Variants in NBEAL1 observed in about 807,000 individuals in gnomAD.
NBEAL1 encodes the protein neurobeachin-like protein 1.
Under a neutral mutation model 351.3 loss-of-function variants are expected in NBEAL1, and 273 were observed. The ratio of observed to expected loss-of-function variants is 0.78; its 90% CI spans 0.70 to 0.86. The LOEUF (loss-of-function observed/expected upper bound fraction) is 0.86. Among genes scored for constraint, NBEAL1 ranks in the 40% least tolerant of loss-of-function variants. The pLI, the probability that NBEAL1 is intolerant of heterozygous loss-of-function variation, is 0.00. For missense variants in NBEAL1, 2,961 were observed against 3,201.3 expected (o/e 0.92, Z 1.81); for synonymous variants, 1,050 against 1,086.4 (o/e 0.97, Z 0.66).
intron 6 of NBEAL1, among the ~76,000 whole-genome samples, chr2:203,066,751 G>T (rs2061595459): frequency 6.6e-6 from 1 of 150,450 alleles, no homozygotes; most frequent in South Asian, 2.1e-4. Flanking sequence ...TGGCAGCTGG[G>T]CAGAGGCGCT....
At chr2:203,066,834 GCGC>G (rs1393517624) in intron 6 of NBEAL1, among the ~76,000 whole-genome samples, 1 of 140,760 alleles carries the variant, frequency 7.1e-6, no homozygotes, top group Non-Finnish European at 1.5e-5. Context: ...CCGGGCAGAG[GCGC>G]TCCTCACATC....
At position 203,167,253 on chromosome 2, in the gene NBEAL1, C is replaced by T. The variant is rs1216399750; in HGVS notation, c.5890C>T (p.His1964Tyr). The T allele has an allele frequency of 6.2e-7, 1 of 1,611,280 alleles. No individual in the cohort carries two copies. The highest frequency in any genetic ancestry group is 2.2e-5 in the East Asian group (1 of 44,732). Residue 1964 changes from histidine (H) to tyrosine (Y), a missense_variant, in exon 38 of 56, where the codon CAT becomes TAT. Coordinates refer to ENST00000683969, the MANE Select transcript of NBEAL1 (RefSeq NM_001378026.1). ...AGTAGGCTTTGATTTCAAGTGGCCT[C>T]ATTCTCAAATTCGAGAGATTCATCT... ...DGVGFDFKWPHSQIREIHLRR... is the reference protein window; with the variant it reads ...DGVGFDFKWPYSQIREIHLRR...
intron 8 of NBEAL1, among the ~76,000 whole-genome samples, chr2:203,082,698 T>A (rs376263788): frequency 6.6e-6 from 1 of 152,330 alleles, no homozygotes; most frequent in Middle Eastern, 3.4e-3. Context: ...TGAGGTTGTT[T>A]TTTATGTTTC....
At chr2:203,153,777 T>G (rs763024658) in intron 35 of NBEAL1, among the ~76,000 whole-genome samples, 1 of 152,226 alleles carries the variant, frequency 6.6e-6, no homozygotes, top group Non-Finnish European at 1.5e-5. Flanking sequence ...TAATAGTTAC[T>G]TAAGGCATAG....
At chr2:203,112,570 A>G (rs564700576) in intron 16 of NBEAL1, among the ~76,000 whole-genome samples, 1 of 152,346 alleles carries the variant, frequency 6.6e-6, no homozygotes, top group Admixed American at 6.5e-5. Flanking sequence ...TTCTGAAGAT[A>G]GTGGAATAGA....
At chr2:203,157,585 T>A in intron 35 of NBEAL1, 114 bp from the exon 36 acceptor site, 1 of 678,900 alleles carries the variant, frequency 1.5e-6, no homozygotes, top group East Asian at 3.3e-5. Context: ...TTACTTATAA[T>A]ATACATATTG....
chr2:203,136,393 C>G (rs2106314064), intron 28 of NBEAL1, 141 bp downstream of exon 28: 1 of 802,394 alleles, frequency 1.2e-6, no homozygotes, highest in East Asian at 2.7e-5. Flanking sequence ...GTTTAGAAAC[C>G]TGGAAGTCAC....
chr2:203,167,100 G>T, intron 37 of NBEAL1, 127 bp from the exon 38 acceptor site: 2 of 793,378 alleles, frequency 2.5e-6, no homozygotes, highest in East Asian at 2.6e-5. Flanking sequence ...TTTAACAAAT[G>T]GTTTATATAG....
chr2:203,049,190 C>T (rs1374257745), intron 3 of NBEAL1, among the ~76,000 whole-genome samples: 2 of 152,092 alleles, frequency 1.3e-5, no homozygotes, highest in Non-Finnish European at 2.9e-5. Context: ...GATAATTACA[C>T]TTCATTTGGT....
intron 14 of NBEAL1, among the ~76,000 whole-genome samples, chr2:203,109,264 C>T (rs1413512716): frequency 6.6e-6 from 1 of 151,872 alleles, no homozygotes; most frequent in African/African-American, 2.4e-5. Context: ...GGCTGAGGTA[C>T]AAGAATCACT....
chr2:203,120,986 G>A (rs979928067), intron 18 of NBEAL1, among the ~76,000 whole-genome samples: 4 of 152,172 alleles, frequency 2.6e-5, no homozygotes, highest in African/African-American at 9.7e-5. Context: ...CTTTCTTTTG[G>A]AATGGGGATT....
At chr2:203,190,418 A>C (rs759657209) in intron 46 of NBEAL1, 29 bp downstream of exon 46, 1 of 1,480,034 alleles carries the variant, frequency 6.8e-7, no homozygotes, top group Non-Finnish European at 9.3e-7. Context: ...AAGTAGATTT[A>C]AGTCAACTTA....
intron 8 of NBEAL1, among the ~76,000 whole-genome samples, chr2:203,078,498 G>A (rs2061817098): frequency 6.6e-6 from 1 of 151,938 alleles, no homozygotes; most frequent in Non-Finnish European, 1.5e-5. Flanking sequence ...ACACCACCAT[G>A]CCCAGTTAAT....
At chr2:203,100,229 T>C (rs1234748136) in intron 12 of NBEAL1, among the ~76,000 whole-genome samples, 1 of 152,222 alleles carries the variant, frequency 6.6e-6, no homozygotes, top group Non-Finnish European at 1.5e-5. Flanking sequence ...TGTGTCTTTA[T>C]GGTAGAACAA....
chr2:203,088,348 A>G (rs1156971392), intron 10 of NBEAL1, among the ~76,000 whole-genome samples: 1 of 152,136 alleles, frequency 6.6e-6, no homozygotes, highest in African/African-American at 2.4e-5. Flanking sequence ...CAGCATGTGT[A>G]TTACAGAATG....
At chr2:203,163,310 T>C (rs1004798711) in intron 36 of NBEAL1, among the ~76,000 whole-genome samples, 8 of 152,230 alleles carry the variant, frequency 5.3e-5, no homozygotes, top group Non-Finnish European at 1.0e-4. Flanking sequence ...TAAGAATTGC[T>C]TAACTCATAT....
chr2:203,165,491 A>T (rs2064105418), intron 36 of NBEAL1, among the ~76,000 whole-genome samples: 1 of 152,136 alleles, frequency 6.6e-6, no homozygotes. Context: ...GGGTCAATTC[A>T]TGTCTCCCAG....
chr2:203,128,155 A>T (rs568378822), intron 24 of NBEAL1, among the ~76,000 whole-genome samples: 1 of 148,160 alleles, frequency 6.7e-6, no homozygotes, highest in South Asian at 2.2e-4. Context: ...CACGATCTCG[A>T]CTCACTGCAA....
At chr2:203,171,009 G>A (rs1465117146) in intron 39 of NBEAL1, among the ~76,000 whole-genome samples, 4 of 152,166 alleles carry the variant, frequency 2.6e-5, no homozygotes, top group African/African-American at 9.7e-5. Flanking sequence ...GCTCACAGTT[G>A]TAATCCCAGC....
Sources: allele counts gnomAD v4.1 joint callset (sites outside exome capture counted in the v4.1 genomes callset), GRCh38; gene constraint gnomAD v4.1.1; transcripts MANE v1.5; gene names NCBI Gene and HGNC (gene_info 2026-07-23, HGNC 2026-07-21).